The following C11orf71 variants were observed in gnomAD, a reference collection of about 807,000 sequenced individuals.
The protein encoded by C11orf71 is chromosome 11 open reading frame 71.
For missense variants in C11orf71, 179 were observed against 167.6 expected (o/e 1.07, Z -0.38); for synonymous variants, 72 against 73.4 (o/e 0.98, Z 0.09).
downstream of C11orf71, among the ~76,000 whole-genome samples, chr11:114,394,227 T>TTTC (rs1946101288): frequency 1.4e-4 from 6 of 42,328 alleles, no homozygotes; most frequent in Non-Finnish European, 2.0e-4. Context: ...TCTTTTCTTT[T>TTTC]CTTTCTTTTC....
intron 1 of C11orf71, among the ~76,000 whole-genome samples, chr11:114,392,529 C>CGAAA (rs1946080382): frequency 1.9e-5 from 1 of 51,688 alleles, no homozygotes; most frequent in Admixed American, 3.0e-4. Context: ...TAGAATGAGA[C>CGAAA]AAAAAAAAAA....
chr11:114,394,206 T>TTCTTCTCTTC, downstream of C11orf71, among the ~76,000 whole-genome samples: 1 of 42,518 alleles, frequency 2.4e-5, no homozygotes, highest in East Asian at 4.8e-4. Flanking sequence ...TTCTTTTCTT[T>TTCTTCTCTTC]TCTTTTCTTT....
Position 114,400,490 on chromosome 11 carries a change from C to T in C11orf71, c.-159G>A. On this transcript the variant is annotated 5_prime_UTR_variant, in exon 1 of 1. Coordinates refer to ENST00000623205, the MANE Select transcript of C11orf71 (RefSeq NM_001271562.2). ...GAGCCAGAAGCCGCCTTGCCTTTAA[C>T]GAGGGGTATCCTGGCGAGCATGCGC... 2 of 1,272,848 alleles carry T rather than the reference C, an allele frequency of 1.6e-6. No individual in the cohort carries two copies. The highest frequency in any genetic ancestry group is 2.1e-6 in the Non-Finnish European group (2 of 936,742). 78.8% of individuals were successfully genotyped at this position (1,272,848 alleles called of 1,614,324 possible). A position where few individuals can be genotyped will look rare whatever the true frequency, so the allele number is the denominator to read the frequency against.
downstream of C11orf71, among the ~76,000 whole-genome samples, chr11:114,394,225 T>C (rs1208908074): frequency 1.0e-4 from 5 of 47,892 alleles, no homozygotes; most frequent in African/African-American, 6.0e-4. Context: ...TTTCTTTTCT[T>C]TTCTTTCTTT....
At chr11:114,391,986 A>G (rs369796651) in intron 1 of C11orf71, among the ~76,000 whole-genome samples, 23 of 152,256 alleles carry the variant, frequency 1.5e-4, no homozygotes, top group African/African-American at 3.1e-4. Flanking sequence ...TGGCAGGAAT[A>G]AGTGATGTGG....
downstream of C11orf71, among the ~76,000 whole-genome samples, chr11:114,396,837 C>G (rs1946134738): frequency 6.6e-6 from 1 of 152,176 alleles, no homozygotes; most frequent in South Asian, 2.1e-4. Context: ...AAAGTTGAAC[C>G]TTACTCTTTC....
downstream of C11orf71, among the ~76,000 whole-genome samples, chr11:114,394,227 T>TTTCCTTTCCTTTCCTTTCCTTTCCTTTC (rs1946101288): frequency 2.6e-4 from 11 of 42,328 alleles, no homozygotes; most frequent in Non-Finnish European, 3.6e-4. Flanking sequence ...TCTTTTCTTT[T>TTTCCTTTCCTTTCCTTTCCTTTCCTTTC]CTTTCTTTTC....
downstream of C11orf71, among the ~76,000 whole-genome samples, chr11:114,394,483 TG>T (rs1483411603): frequency 6.6e-6 from 1 of 151,798 alleles, no homozygotes; most frequent in Non-Finnish European, 1.5e-5. Flanking sequence ...TTAGTAGAGA[TG>T]GGGTTTCACC....
At chr11:114,394,618 C>T (rs1009568875), downstream of C11orf71, among the ~76,000 whole-genome samples, 6 of 151,538 alleles carry the variant, frequency 4.0e-5, no homozygotes, top group South Asian at 2.1e-4. Flanking sequence ...CCGTGTTAGC[C>T]GGGATGGTCT....
downstream of C11orf71, among the ~76,000 whole-genome samples, chr11:114,397,208 G>C (rs1946136453): frequency 6.6e-6 from 1 of 152,136 alleles, no homozygotes. Context: ...AAGTATAATT[G>C]TTTGGGACAA....
Position 114,400,421 on chromosome 11 carries a change from C to T in C11orf71, c.-90G>A. On this transcript the variant is annotated 5_prime_UTR_variant, in exon 1 of 1. Coordinates refer to ENST00000623205, the MANE Select transcript of C11orf71 (RefSeq NM_001271562.2). ...CCAGATCAGTCCAGCCTGTGTCGGA[C>T]CCGATGACTAAGCACACAGGAACCC... The T allele has an allele frequency of 6.9e-7, 1 of 1,449,088 alleles. No homozygotes were observed. Among genetic ancestry groups the T allele is most frequent in the South Asian group, 1.4e-5 (1 of 69,896 alleles). 89.8% of individuals were successfully genotyped at this position (1,449,088 alleles called of 1,614,324 possible). A position where few individuals can be genotyped will look rare whatever the true frequency, so the allele number is the denominator to read the frequency against.
At chr11:114,394,174 GTTTCGTTTCT>G (rs1273585563), downstream of C11orf71, among the ~76,000 whole-genome samples, 860 of 77,532 alleles carry the variant, frequency 0.011, 91 homozygotes, top group African/African-American at 0.044. Context: ...TAGAGACGGG[GTTTCGTTTCT>G]TTTCTTTTCT....
At position 114,398,623 on chromosome 11, in the gene C11orf71, G is replaced by GTCA. The variant is rs1946146518; in HGVS notation, c.*1336_*1337insTGA. ...TCAATAAATATCTCTATAAACAATAGAAGTCCTAGCACACTGACTTGCACA... is the reference window on the plus strand; with the variant it reads ...TCAATAAATATCTCTATAAACAATAGTCAAAGTCCTAGCACACTGACTTGCACA... On this transcript the variant is annotated 3_prime_UTR_variant, in exon 1 of 1. Transcript: ENST00000623205. 11 of 152,052 alleles carry GTCA rather than the reference G, an allele frequency of 7.2e-5. No homozygotes were observed. The South Asian group carries it at 2.3e-3, about 32-fold the overall frequency. The allele number at this position is 152,052 out of a possible 1,614,324, so 9.4% of individuals were successfully genotyped here. A position where few individuals can be genotyped will look rare whatever the true frequency, so the allele number is the denominator to read the frequency against.
At chr11:114,394,297 C>CT (rs1389791186), downstream of C11orf71, among the ~76,000 whole-genome samples, 2 of 106,778 alleles carry the variant, frequency 1.9e-5, 1 homozygote, top group African/African-American at 7.2e-5. Flanking sequence ...CTCTTATTTT[C>CT]TTTTCTTTTC....
downstream of C11orf71, chr11:114,398,437 AC>A (rs1017548596): frequency 6.8e-6 from 1 of 146,386 alleles, no homozygotes; most frequent in Non-Finnish European, 1.5e-5. Flanking sequence ...TATCTCCTTC[AC>A]GCTGTTTTTC....
downstream of C11orf71, among the ~76,000 whole-genome samples, chr11:114,394,219 T>TTTCC (rs1565256453): frequency 9.7e-5 from 4 of 41,128 alleles, 1 homozygote; most frequent in Non-Finnish European, 1.4e-4. Context: ...TTTTCTTTTC[T>TTTCC]TTTCTTTTCT....
downstream of C11orf71, among the ~76,000 whole-genome samples, chr11:114,395,494 T>C (rs75340217): frequency 0.04 from 6,116 of 152,270 alleles, 144 homozygotes; most frequent in Middle Eastern, 0.092. Context: ...GAGTGTGCAA[T>C]GTATGAGAGT....
At chr11:114,393,456 A>G (rs1480214271) in intron 1 of C11orf71, among the ~76,000 whole-genome samples, 2 of 152,250 alleles carry the variant, frequency 1.3e-5, no homozygotes, top group Non-Finnish European at 2.9e-5. Flanking sequence ...GCAAATATCA[A>G]GAGAAAAATG....
At position 114,399,710 on chromosome 11, in the gene C11orf71, C is replaced by A; in HGVS notation, c.*250G>T. 1.9e-6 allele frequency: 1 copy of A among 516,740 alleles called. No homozygotes were observed. Among genetic ancestry groups the A allele is most frequent in the Non-Finnish European group, 3.3e-6 (1 of 305,266 alleles). The allele number at this position is 516,740 out of a possible 1,614,324, so 32.0% of individuals were successfully genotyped here. A position where few individuals can be genotyped will look rare whatever the true frequency, so the allele number is the denominator to read the frequency against. On this transcript the variant is annotated 3_prime_UTR_variant, in exon 1 of 1. Coordinates refer to ENST00000623205, the MANE Select transcript of C11orf71 (RefSeq NM_001271562.2). ...TCTGGGGAGGGTGCTCCCATCAGCT[C>A]AGCTTTGTGACGACCTAAGAATATC...
Sources: gnomAD v4.1 joint callset for allele counts (sites outside exome capture counted in the v4.1 genomes callset) on GRCh38, gnomAD v4.1.1 for gene constraint, MANE v1.5 for transcripts, NCBI Gene and HGNC (gene_info 2026-07-23, HGNC 2026-07-21) for gene names.